PDGFRB: variants seen among roughly 807,000 people sequenced by gnomAD.
The protein encoded by PDGFRB is platelet-derived growth factor receptor beta.
A neutral mutation model predicts 120.2 loss-of-function variants in PDGFRB; 42 were observed. The ratio of observed to expected loss-of-function variants is 0.35; its 90% CI spans 0.27 to 0.45. The LOEUF (loss-of-function observed/expected upper bound fraction) is 0.45. Among genes scored for constraint, PDGFRB ranks in the 20% least tolerant of loss-of-function variants. The pLI, the probability that PDGFRB is intolerant of heterozygous loss-of-function variation, is 1.00. For missense variants in PDGFRB, 1,149 were observed against 1,476.3 expected (o/e 0.78, Z 3.63); for synonymous variants, 586 against 606.8 (o/e 0.97, Z 0.50).
chr5:150,131,504 C>T (rs1760465381), intron 8 of PDGFRB, among the ~76,000 whole-genome samples: 1 of 152,344 alleles, frequency 6.6e-6, no homozygotes, highest in Non-Finnish European at 1.5e-5. Context: ...TACCCGGCCC[C>T]TGTTTTTCCT....
intron 15 of PDGFRB, 37 bp downstream of exon 15, chr5:150,123,005 A>G: frequency 6.3e-7 from 1 of 1,587,590 alleles, no homozygotes; most frequent in Non-Finnish European, 8.6e-7. Flanking sequence ...CTCCTCAGGT[A>G]TCCCAAAGAT....
At chr5:150,147,346 G>A (rs1410968254) in intron 1 of PDGFRB, among the ~76,000 whole-genome samples, 1 of 152,232 alleles carries the variant, frequency 6.6e-6, no homozygotes. Context: ...CCCCTGAGAG[G>A]GGTCCCAGGC....
chr5:150,145,910 C>T (rs1760910423), intron 1 of PDGFRB, among the ~76,000 whole-genome samples: 1 of 152,106 alleles, frequency 6.6e-6, no homozygotes, highest in Non-Finnish European at 1.5e-5. Context: ...AGTCGTCAGC[C>T]TTATCTTTTC....
At chr5:150,127,826 T>C (rs1580802812) in intron 10 of PDGFRB, among the ~76,000 whole-genome samples, 1 of 77,280 alleles carries the variant, frequency 1.3e-5, no homozygotes, top group Non-Finnish European at 2.1e-5. Flanking sequence ...AGAGCCAGAC[T>C]CCATCTTAAA....
At chr5:150,117,577 C>G (rs1185133876) in intron 22 of PDGFRB, 41 bp downstream of exon 22, 1 of 1,074,186 alleles carries the variant, frequency 9.3e-7, no homozygotes, top group Admixed American at 1.7e-5. Context: ...CACACACACA[C>G]ACTGTGCACA....
intron 20 of PDGFRB, 99 bp from the exon 21 acceptor site, chr5:150,118,951 GC>G: frequency 1.4e-6 from 1 of 720,650 alleles, no homozygotes; most frequent in Non-Finnish European, 2.4e-6. Context: ...AACAAGGTGA[GC>G]CATGGAAAGG....
intron 22 of PDGFRB, 139 bp from the exon 23 acceptor site, chr5:150,116,085 T>A: frequency 1.5e-6 from 1 of 677,520 alleles, no homozygotes; most frequent in Non-Finnish European, 2.4e-6. Flanking sequence ...TTGTGAAAAC[T>A]ATGCAAGGCC....
At chr5:150,122,261 A>T (rs1441131817) in intron 15 of PDGFRB, 2 of 540,396 alleles carry the variant, frequency 3.7e-6, no homozygotes. Flanking sequence ...CAGAGAGCTC[A>T]CACCCAGAGG....
In PDGFRB at chr5:150,124,762, T is replaced by G; in HGVS notation, c.1877A>C (p.Gln626Pro). The change falls in exon 13 of 23, where the codon CAG (glutamine) becomes CCG (proline). Residue 626 changes from glutamine (Q) to proline (P), a missense_variant. By Grantham distance (76) the Gln-to-Pro change is moderately conservative. Transcript: ENST00000261799. The stretch of plus-strand genomic sequence containing the variant: ...CTTGACGGCCACTTTCATCGTGGCC[T>G]GAGAATGGCTCAGGCCATGAGCCGT... Reference protein sequence around the residue: ...EATAHGLSHSQATMKVAVKML... With the variant: ...EATAHGLSHSPATMKVAVKML... The G allele has an allele frequency of 1.9e-6, 3 of 1,604,754 alleles. No individual in the cohort carries two copies. The highest frequency in any genetic ancestry group is 2.6e-6 in the Non-Finnish European group (3 of 1,172,490).
Position 150,116,087 on chromosome 5 carries a change from T to C in PDGFRB, c.3138-141A>G, listed in dbSNP as rs1759922096. ...GCTCATTTAACTCTTGTGAAAACTA[T>C]GCAAGGCCTGCACCGTGAGGAAAGT... On this transcript the variant is annotated intron_variant, in intron 22 of 22. Transcript: ENST00000261799. The C allele has an allele frequency of 1.2e-5, 8 of 657,074 alleles. No individual in the cohort carries two copies. The Admixed American group carries it at 2.1e-4, about 17-fold the overall frequency. 40.7% of individuals were successfully genotyped at this position (657,074 alleles called of 1,614,324 possible).
rs1467805727 is a variant in PDGFRB, at chr5:150,120,796, C to T, written c.2586+92G>A. The T allele has an allele frequency of 2.4e-6, 3 of 1,239,880 alleles. No homozygotes were observed. Among genetic ancestry groups the T allele is most frequent in the African/African-American group, 2.9e-5 (2 of 67,824 alleles). The allele number at this position is 1,239,880 out of a possible 1,614,324, so 76.8% of individuals were successfully genotyped here. The stretch of plus-strand genomic sequence containing the variant: ...CCACAAGGAGCCCCACACAGATTTC[C>T]TATGAGCTGCAGCCACACTGGTCAG... On this transcript the variant is annotated intron_variant, in intron 18 of 22. Transcript: ENST00000261799. This position sits in a 1 kb window ranked among gnomAD's most constrained non-coding sequence, Gnocchi z 4.3.
At chr5:150,155,345 G>T in intron 1 of PDGFRB, 52 bp downstream of exon 1, 1 of 339,744 alleles carries the variant, frequency 2.9e-6, no homozygotes, top group Admixed American at 5.3e-5. Context: ...ATGCAGGTTA[G>T]GGCAAAGGGA....
At chr5:150,154,957 C>G (rs2113938476) in intron 1 of PDGFRB, among the ~76,000 whole-genome samples, 1 of 152,356 alleles carries the variant, frequency 6.6e-6, no homozygotes, top group South Asian at 2.1e-4. Flanking sequence ...TAAAGCCAGA[C>G]TGATTCTTAG....
At position 150,122,105 on chromosome 5, in the gene PDGFRB, T is replaced by A. The variant is rs547090245; in HGVS notation, c.2184-65A>T. On this transcript the variant is annotated intron_variant, in intron 15 of 22. Coordinates refer to ENST00000261799, the MANE Select transcript of PDGFRB (RefSeq NM_002609.4). ...TGCCTTCCCCTCCCCTCCTGCCCCT[T>A]GCCACTCATGAATTTCTTCTCTCAC... The A allele has an allele frequency of 5.5e-4, 693 of 1,254,026 alleles. 5 individuals carry two copies. In the African/African-American group the frequency reaches 9.1e-3, roughly 16 times the overall value. 77.7% of individuals were successfully genotyped at this position (1,254,026 alleles called of 1,614,324 possible).
chr5:150,145,182 C>T (rs1383026198), intron 1 of PDGFRB, among the ~76,000 whole-genome samples: 1 of 152,218 alleles, frequency 6.6e-6, no homozygotes, highest in African/African-American at 2.4e-5. Context: ...GATCTACTTC[C>T]ACTTAATATA....
chr5:150,121,280 G>A lies in PDGFRB; in HGVS notation c.2387C>T (p.Pro796Leu), dbSNP rs746183352. 6.2e-7 allele frequency: 1 copy of A among 1,606,512 alleles called. No individual in the cohort carries two copies. Among genetic ancestry groups the A allele is most frequent in the Non-Finnish European group, 8.5e-7 (1 of 1,173,108 alleles). The change falls in exon 17 of 23, where the codon CCA becomes CTA. Residue 796 changes from proline (P) to leucine (L), a missense_variant. Coordinates refer to ENST00000261799, the MANE Select transcript of PDGFRB (RefSeq NM_002609.4). This position sits in a 1 kb window ranked among gnomAD's most constrained non-coding sequence, Gnocchi z 4.1. ...TCRATLINES[P>L]VLSYMDLVGF... ...CACGAGGTCCATGTAGCTTAGCACTGGAGACTCGTTGATCAAAGTTGCTCG... is the reference window on the plus strand; with the variant it reads ...CACGAGGTCCATGTAGCTTAGCACTAGAGACTCGTTGATCAAAGTTGCTCG...
intron 1 of PDGFRB, among the ~76,000 whole-genome samples, chr5:150,137,804 G>A (rs1352167376): frequency 2.0e-5 from 3 of 152,238 alleles, no homozygotes; most frequent in Admixed American, 1.3e-4. Flanking sequence ...CTGAGAAGGT[G>A]AGAAGTTTAC....
chr5:150,130,255 G>C (rs1199389753), intron 9 of PDGFRB, among the ~76,000 whole-genome samples: 1 of 152,192 alleles, frequency 6.6e-6, no homozygotes, highest in African/African-American at 2.4e-5. Context: ...CACTGCATTA[G>C]AATCGACCTG....
chr5:150,125,657 C>T (rs1358461663), intron 11 of PDGFRB, 80 bp from the exon 12 acceptor site: 6 of 1,410,672 alleles, frequency 4.3e-6, no homozygotes, highest in South Asian at 1.3e-5. Flanking sequence ...GTCTAGGACA[C>T]ATGGGGCAGG....
Sources: allele counts gnomAD v4.1 joint callset (sites outside exome capture counted in the v4.1 genomes callset), GRCh38; gene constraint gnomAD v4.1.1; non-coding constraint Gnocchi (gnomAD v3.1); transcripts MANE v1.5; gene names NCBI Gene and HGNC (gene_info 2026-07-23, HGNC 2026-07-21).